THOC1: variants seen among roughly 807,000 people sequenced by gnomAD.
The protein encoded by THOC1 is THO complex subunit 1, also known as THO complex 1.
Under a neutral mutation model 97.3 loss-of-function variants are expected in THOC1, and 29 were observed. The ratio of observed to expected loss-of-function variants is 0.30; its 90% confidence interval spans 0.22 to 0.41. The LOEUF (loss-of-function observed/expected upper bound fraction) is 0.41, where lower values mean the gene tolerates loss of function less well. Among genes scored for constraint, THOC1 ranks in the 10% least tolerant of loss-of-function variants. The probability of loss-of-function intolerance (pLI) is 1.00; values close to 1 mark genes in which losing one functional copy is unlikely to be tolerated. For synonymous variants in THOC1, 255 were observed against 257.0 expected (o/e 0.99, Z 0.07); for missense variants, 529 against 761.9 (o/e 0.69, Z 3.60).
At chr18:223,337 A>T in intron 17 of THOC1, 103 bp downstream of exon 17, 1 of 903,490 alleles carries the variant, frequency 1.1e-6, no homozygotes, top group Non-Finnish European at 1.6e-6. Flanking sequence ...AACCACAATA[A>T]ACTTTTAAAT....
At position 240,612 on chromosome 18, in the gene THOC1, C is replaced by T. The variant is rs554273674; in HGVS notation, c.918+5712G>A. Among the ~76,000 whole-genome samples the T allele has an allele frequency of 2.6e-5, 4 of 152,286 alleles. No individual in the cohort carries two copies. The East Asian group carries it at 7.7e-4, about 29-fold the overall frequency. On this transcript the variant is annotated intron_variant, in intron 11 of 20. Coordinates refer to ENST00000261600, the MANE Select transcript of THOC1 (RefSeq NM_005131.3). Reference sequence around the variant, plus strand: ...AAGCACACCCATATGCTAAGACTGACATGACTGTCAGCAAAAGACTTCTAA... The same window carrying T: ...AAGCACACCCATATGCTAAGACTGATATGACTGTCAGCAAAAGACTTCTAA...
At chr18:228,322 C>T (rs1236704302) in intron 11 of THOC1, among the ~76,000 whole-genome samples, 2 of 152,158 alleles carry the variant, frequency 1.3e-5, no homozygotes, top group African/African-American at 4.8e-5. Flanking sequence ...TTGGATCTTA[C>T]CGAGACTTTA....
At position 233,554 on chromosome 18, in the gene THOC1, C is replaced by T. The variant is rs536882612; in HGVS notation, c.919-6653G>A. On this transcript the variant is annotated intron_variant, in intron 11 of 20. Coordinates refer to ENST00000261600, the MANE Select transcript of THOC1 (RefSeq NM_005131.3). ...TGAGCCAAGATCGCGCCACTGCACTCGCCTGGGCAACAAGAGTGAAACTCT... is the reference window on the plus strand; with the variant it reads ...TGAGCCAAGATCGCGCCACTGCACTTGCCTGGGCAACAAGAGTGAAACTCT... 6.2e-4 allele frequency among the ~76,000 whole-genome samples: 94 copies of T among 152,302 alleles called. 1 individual carries two copies. Among genetic ancestry groups the T allele is most frequent in the African/African-American group, 2.2e-3 (90 of 41,582 alleles).
At chr18:257,968 T>G (rs545480215) in intron 7 of THOC1, among the ~76,000 whole-genome samples, 1 of 152,088 alleles carries the variant, frequency 6.6e-6, no homozygotes, top group Non-Finnish European at 1.5e-5. Flanking sequence ...AATGGCTAAA[T>G]TTTTACAAAC....
intron 3 of THOC1, among the ~76,000 whole-genome samples, chr18:264,375 G>A (rs1912699258): frequency 6.6e-6 from 1 of 152,214 alleles, no homozygotes; most frequent in African/African-American, 2.4e-5. Context: ...AGCTAATCAA[G>A]GACAGAAGTG....
At chr18:258,330 G>C (rs746545675) in intron 7 of THOC1, among the ~76,000 whole-genome samples, 4 of 151,998 alleles carry the variant, frequency 2.6e-5, no homozygotes, top group African/African-American at 4.8e-5. Context: ...GAGAAGTAAC[G>C]ATTTTTAGGC....
intron 11 of THOC1, chr18:245,518 C>T (rs1912059939): frequency 6.6e-6 from 1 of 152,274 alleles, no homozygotes; most frequent in Admixed American, 6.5e-5. Flanking sequence ...CCTATAAAAC[C>T]ATAGCCCTTG....
At chr18:228,986 C>G (rs1325309454) in intron 11 of THOC1, among the ~76,000 whole-genome samples, 1 of 152,198 alleles carries the variant, frequency 6.6e-6, no homozygotes, top group East Asian at 1.9e-4. Context: ...CAGTAGATAA[C>G]TACTTTTGCC....
rs144118307 is a variant in THOC1 at position 225,237 on chromosome 18, T to C, written c.1087-98A>G. The C allele has an allele frequency of 7.2e-5, 111 of 1,533,044 alleles. No individual in the cohort carries two copies. In the East Asian group the frequency reaches 2.2e-3, roughly 30 times the overall value. 95.0% of individuals were successfully genotyped at this position (1,533,044 alleles called of 1,614,324 possible). On this transcript the variant is annotated intron_variant, in intron 13 of 20. Transcript: ENST00000261600. ...CAAGGAGTGTTTGTGGTCTTGTACCTGAGCTTAACTTTATCCTTATTTTCC... is the reference window on the plus strand; with the variant it reads ...CAAGGAGTGTTTGTGGTCTTGTACCCGAGCTTAACTTTATCCTTATTTTCC...
At chr18:267,008 CGTATATATAT>C (rs1439243140) in intron 1 of THOC1, among the ~76,000 whole-genome samples, 7 of 114,400 alleles carry the variant, frequency 6.1e-5, no homozygotes, top group African/African-American at 1.8e-4. Flanking sequence ...TATACGTATA[CGTATATATAT>C]GTATATATAT....
intron 4 of THOC1, chr18:261,304 T>G (rs1367251378): frequency 6.6e-6 from 1 of 152,206 alleles, no homozygotes; most frequent in Non-Finnish European, 1.5e-5. Flanking sequence ...AGTAGTCACT[T>G]AGGCATGGTA....
At chr18:235,588 T>A (rs915618526) in intron 11 of THOC1, among the ~76,000 whole-genome samples, 1 of 152,192 alleles carries the variant, frequency 6.6e-6, no homozygotes, top group African/African-American at 2.4e-5. Context: ...CCATTATGAG[T>A]TCTTCTTTAA....
rs747161472 is a variant in THOC1 at position 224,158 on chromosome 18, C to T, written c.1230G>A (p.Thr410=). 2.9e-5 allele frequency: 46 copies of T among 1,609,790 alleles called. No homozygotes were observed. Among genetic ancestry groups the T allele is most frequent in the African/African-American group, 4.0e-5 (3 of 74,848 alleles). The change falls in exon 16 of 21, where the codon ACG becomes ACA. Residue 410 remains threonine (T), a synonymous_variant. Transcript: ENST00000261600. The part of the protein sequence containing the change: ...VKERTSDTKP[T]RIIRKRTAPE... Reference sequence around the variant, plus strand: ...GTGCTGTTCTCTTCCGAATTATTCTCGTAGGTTTGGTATCTGATGTTCTGT... The same window carrying T: ...GTGCTGTTCTCTTCCGAATTATTCTTGTAGGTTTGGTATCTGATGTTCTGT...
At chr18:215,958 G>T (rs912923412) in intron 19 of THOC1, among the ~76,000 whole-genome samples, 1 of 152,042 alleles carries the variant, frequency 6.6e-6, no homozygotes, top group African/African-American at 2.4e-5. Context: ...GAAGTATCAC[G>T]AACTTTAATT....
At chr18:221,992 T>G (rs1911109700) in intron 17 of THOC1, among the ~76,000 whole-genome samples, 1 of 152,160 alleles carries the variant, frequency 6.6e-6, no homozygotes, top group African/African-American at 2.4e-5. Flanking sequence ...ACCATACTGT[T>G]TTGTACTTTC....
Position 216,572 on chromosome 18 carries a change from GAGGGCTTCTCCGTGCTAATAGTCTC to G in THOC1, c.1491_1515del (p.Arg498ThrfsTer21). 1 of 1,613,948 alleles carries G rather than the reference GAGGGCTTCTCCGTGCTAATAGTCTC, an allele frequency of 6.2e-7. No homozygotes were observed. Among genetic ancestry groups the G allele is most frequent in the Non-Finnish European group, 8.5e-7 (1 of 1,179,878 alleles). Reference sequence around the variant, plus strand: ...TGCTGGTTGGTTGGCTGGAAGAAGTGAGGGCTTCTCCGTGCTAATAGTCTCAGGGCTCTCCAACCATAATTTGAAT... The same window carrying G: ...TGCTGGTTGGTTGGCTGGAAGAAGTGAGGGCTCTCCAACCATAATTTGAAT... On this transcript the variant is annotated frameshift_variant, in exon 19 of 21. Coordinates refer to ENST00000261600, the MANE Select transcript of THOC1 (RefSeq NM_005131.3). LOFTEE classifies it high-confidence loss of function.
chr18:214,832 G>A lies in THOC1; in HGVS notation c.1768C>T (p.Pro590Ser). The A allele has an allele frequency of 1.2e-6, 2 of 1,613,810 alleles. No individual in the cohort carries two copies. The highest frequency in any genetic ancestry group is 8.5e-7 in the Non-Finnish European group (1 of 1,179,826). Reference sequence around the variant, plus strand: ...TCTGAGTCTTTCATTTCCAAGTAGGGAGCCAGAATCTTCCATTGTTCACCC... The same window carrying A: ...TCTGAGTCTTTCATTTCCAAGTAGGAAGCCAGAATCTTCCATTGTTCACCC... ...KLGEQWKILA[P>S]YLEMKDSEIR... Residue 590 changes from proline (P) to serine (S), a missense_variant, in exon 21 of 21, where the codon CCC (proline) becomes TCC (serine). By Grantham distance (74) the Pro-to-Ser change is moderately conservative (BLOSUM62 -1). Transcript: ENST00000261600.
At chr18:233,246 C>G (rs1911554006) in intron 11 of THOC1, among the ~76,000 whole-genome samples, 1 of 152,194 alleles carries the variant, frequency 6.6e-6, no homozygotes, top group Admixed American at 6.5e-5. Flanking sequence ...GAGGTATAGA[C>G]TGAATTTTAA....
At chr18:262,302 T>C (rs1912628603) in intron 4 of THOC1, among the ~76,000 whole-genome samples, 1 of 152,226 alleles carries the variant, frequency 6.6e-6, no homozygotes, top group South Asian at 2.1e-4. Flanking sequence ...CATTTTTGTA[T>C]GCTTTAACCA....
Sources: allele counts gnomAD v4.1 joint callset (sites outside exome capture counted in the v4.1 genomes callset), GRCh38; gene constraint gnomAD v4.1.1; transcripts MANE v1.5; gene names NCBI Gene and HGNC (gene_info 2026-07-23, HGNC 2026-07-21).